The following ZNF536 variants were observed in gnomAD, a reference collection of about 807,000 sequenced individuals.
ZNF536 encodes zinc finger protein 536.
A neutral mutation model predicts 84.5 loss-of-function variants in ZNF536; 13 were observed. The observed-to-expected ratio is 0.15, with a 90% confidence interval of 0.10 to 0.24. The LOEUF is 0.24. Ranked by LOEUF, ZNF536 falls within the 10% of genes least tolerant of loss-of-function variation. The pLI, the probability that ZNF536 is intolerant of heterozygous loss-of-function variation, is 1.00. For missense variants in ZNF536, 1,536 were observed against 1,747.5 expected (o/e 0.88, Z 2.16); for synonymous variants, 811 against 742.5 (o/e 1.09, Z -1.50).
intron 1 of ZNF536, among the ~76,000 whole-genome samples, chr19:30,263,902 A>G (rs200239594): frequency 1.4e-5 from 2 of 144,134 alleles, no homozygotes; most frequent in South Asian, 4.6e-4. Context: ...ACACACACAC[A>G]CCCTACACAC....
chr19:30,411,648 G>T (rs1026717665), intron 1 of ZNF536, among the ~76,000 whole-genome samples: 6 of 151,940 alleles, frequency 3.9e-5, no homozygotes, highest in African/African-American at 1.2e-4. Flanking sequence ...TCTCTACCTG[G>T]TTCATTGACA....
At chr19:30,671,659 C>T (rs536725603) in intron 1 of ZNF536, among the ~76,000 whole-genome samples, 49 of 152,256 alleles carry the variant, frequency 3.2e-4, no homozygotes, top group South Asian at 2.5e-3. Flanking sequence ...GGCGGGCAGT[C>T]TGCAGTGACA....
intron 1 of ZNF536, among the ~76,000 whole-genome samples, chr19:30,378,637 C>A (rs922657089): frequency 1.3e-5 from 2 of 152,230 alleles, no homozygotes; most frequent in African/African-American, 4.8e-5. Context: ...TTAGACCCAA[C>A]TGCATCTCCC....
intron 3 of ZNF536, among the ~76,000 whole-genome samples, chr19:30,540,442 A>G (rs2045284727): frequency 6.6e-6 from 1 of 152,208 alleles, no homozygotes; most frequent in Non-Finnish European, 1.5e-5. Context: ...GAGTAACGGC[A>G]CAATAACAGT....
chr19:30,366,270 G>T (rs998040772), intron 3 of ZNF536, among the ~76,000 whole-genome samples: 1 of 152,194 alleles, frequency 6.6e-6, no homozygotes, highest in African/African-American at 2.4e-5. Flanking sequence ...ACTCTTGAGA[G>T]TGGGCACCAT....
intron 2 of ZNF536, among the ~76,000 whole-genome samples, chr19:30,500,104 G>A (rs748984176): frequency 2.6e-5 from 4 of 152,116 alleles, no homozygotes; most frequent in East Asian, 1.9e-4. Context: ...ATTTTAAATC[G>A]TTCTTCTGGG....
chr19:30,576,219 A>C (rs1481236761), intron 1 of ZNF536, among the ~76,000 whole-genome samples: 2 of 152,198 alleles, frequency 1.3e-5, no homozygotes, highest in African/African-American at 4.8e-5. Context: ...TGGGGGACCC[A>C]TGGGTGGGAA....
chr19:30,266,206 GC>G (rs1260467122), intron 1 of ZNF536, among the ~76,000 whole-genome samples: 1 of 152,118 alleles, frequency 6.6e-6, no homozygotes, highest in Non-Finnish European at 1.5e-5. Flanking sequence ...GAGCCACCAT[GC>G]CTGGCTAATT....
At chr19:30,490,842 A>G (rs1286857493) in intron 2 of ZNF536, among the ~76,000 whole-genome samples, 2 of 152,324 alleles carry the variant, frequency 1.3e-5, no homozygotes, top group East Asian at 1.9e-4. Flanking sequence ...GGAAGGGAAA[A>G]TGTAAAAGTT....
At chr19:30,352,198 C>G (rs935918026) in intron 2 of ZNF536, among the ~76,000 whole-genome samples, 1 of 152,206 alleles carries the variant, frequency 6.6e-6, no homozygotes, top group African/African-American at 2.4e-5. Flanking sequence ...GTCTACAGCA[C>G]GTCACCGGTG....
At chr19:30,350,087 C>T (rs1366871722) in intron 2 of ZNF536, among the ~76,000 whole-genome samples, 3 of 151,988 alleles carry the variant, frequency 2.0e-5, no homozygotes, top group Non-Finnish European at 4.4e-5. Context: ...CGGACAATCT[C>T]CTTGCAATGC....
intron 2 of ZNF536, among the ~76,000 whole-genome samples, chr19:30,493,284 T>G (rs1478050414): frequency 6.6e-6 from 1 of 152,078 alleles, no homozygotes; most frequent in South Asian, 2.1e-4. Flanking sequence ...TTAGCTGACA[T>G]TTTAGGGAAC....
intron 1 of ZNF536, among the ~76,000 whole-genome samples, chr19:30,379,988 G>A (rs1172454166): frequency 1.3e-5 from 2 of 152,206 alleles, no homozygotes; most frequent in African/African-American, 4.8e-5. Flanking sequence ...AAATTTGCCA[G>A]ATGTCACAGA....
chr19:30,468,564 G>A (rs1442780075), intron 2 of ZNF536, among the ~76,000 whole-genome samples: 3 of 152,138 alleles, frequency 2.0e-5, no homozygotes, highest in Admixed American at 1.3e-4. Flanking sequence ...CTCAAGGCCC[G>A]ACTTGTCCAG....
chr19:30,562,857 C>T (rs59232547), downstream of ZNF536, among the ~76,000 whole-genome samples: 2,044 of 152,164 alleles, frequency 0.013, 55 homozygotes, highest in African/African-American at 0.047. Context: ...CCCTTGGTCA[C>T]TCAAAATCAC....
intron 2 of ZNF536, among the ~76,000 whole-genome samples, chr19:30,327,927 G>A (rs1056403764): frequency 3.9e-5 from 6 of 152,180 alleles, no homozygotes; most frequent in South Asian, 2.1e-4. Flanking sequence ...ATGAGCAGGC[G>A]GGATCAGCCT....
intron 2 of ZNF536, among the ~76,000 whole-genome samples, chr19:30,489,047 C>G (rs1162706644): frequency 6.6e-6 from 1 of 152,098 alleles, no homozygotes; most frequent in Non-Finnish European, 1.5e-5. Flanking sequence ...ATCTGCAAGA[C>G]CAGCCCCCTT....
At chr19:30,346,202 C>G (rs942675412) in intron 2 of ZNF536, among the ~76,000 whole-genome samples, 4 of 152,160 alleles carry the variant, frequency 2.6e-5, no homozygotes, top group Non-Finnish European at 5.9e-5. Context: ...TTCTTCTCCG[C>G]AGCTATGGGC....
chr19:30,503,697 A>G (rs1242026336), intron 2 of ZNF536, among the ~76,000 whole-genome samples: 1 of 152,232 alleles, frequency 6.6e-6, no homozygotes, highest in Non-Finnish European at 1.5e-5. Flanking sequence ...GCTGGGGTCA[A>G]GCCCTCGTGG....
Sources: gnomAD v4.1 joint callset for allele counts (sites outside exome capture counted in the v4.1 genomes callset) on GRCh38, gnomAD v4.1.1 for gene constraint, MANE v1.5 for transcripts, NCBI Gene and HGNC (gene_info 2026-07-23, HGNC 2026-07-21) for gene names.